The following SYN3 variants were observed in gnomAD, a reference collection of about 807,000 sequenced individuals.
SYN3 encodes synapsin-3.
SYN3 carries 35 observed loss-of-function variants against 65.8 expected under a neutral mutation model. That is an observed-to-expected ratio of 0.53 (90% CI 0.41 to 0.70). SYN3 has a LOEUF of 0.70. Ranked by LOEUF, SYN3 falls within the 30% of genes least tolerant of loss-of-function variation. The pLI is 0.00. For synonymous variants in SYN3, 270 were observed against 292.9 expected (o/e 0.92, Z 0.80); for missense variants, 680 against 749.0 (o/e 0.91, Z 1.08).
At chr22:32,541,983 G>T (rs765919166) in intron 7 of SYN3, among the ~76,000 whole-genome samples, 2 of 152,220 alleles carry the variant, frequency 1.3e-5, no homozygotes, top group Middle Eastern at 3.4e-3. Context: ...TGTTTCAGAT[G>T]GATGAGGTAG....
intron 5 of SYN3, among the ~76,000 whole-genome samples, chr22:32,868,554 C>T (rs2048752746): frequency 1.3e-5 from 2 of 152,010 alleles, no homozygotes; most frequent in South Asian, 2.1e-4. Context: ...GATTCTCCTG[C>T]CTCAGCCTCC....
chr22:32,520,165 G>A (rs1167988922), intron 12 of SYN3, among the ~76,000 whole-genome samples: 1 of 152,164 alleles, frequency 6.6e-6, no homozygotes, highest in Non-Finnish European at 1.5e-5. Flanking sequence ...TTTAATTAAA[G>A]AGATGGGGTC....
Position 32,859,200 on chromosome 22 carries a change from G to A in SYN3, c.711+5715C>T, listed in dbSNP as rs757458960. On this transcript the variant is annotated intron_variant, in intron 6 of 13. Coordinates refer to ENST00000358763, the MANE Select transcript of SYN3 (RefSeq NM_003490.4). ...TGCAGATCAAGTCCTGCTACTACCT[G>A]CCTTGCTTTGTGACTTCCAAGAACG... 5.0e-6 allele frequency: 8 copies of A among 1,614,170 alleles called. No homozygotes were observed. The African/African-American group carries it at 1.1e-4, about 22-fold the overall frequency.
intron 12 of SYN3, among the ~76,000 whole-genome samples, chr22:32,519,225 C>T (rs1028024019): frequency 2.0e-5 from 3 of 152,210 alleles, no homozygotes; most frequent in Admixed American, 1.3e-4. Flanking sequence ...GCATTTCTAA[C>T]GGGTTCCCAG....
At chr22:32,951,813 C>G (rs998701939) in intron 3 of SYN3, among the ~76,000 whole-genome samples, 1 of 152,218 alleles carries the variant, frequency 6.6e-6, no homozygotes, top group Non-Finnish European at 1.5e-5. Flanking sequence ...CAGTTTGTGG[C>G]CTACAGTCGC....
chr22:32,929,945 C>T, intron 4 of SYN3, among the ~76,000 whole-genome samples: 1 of 152,122 alleles, frequency 6.6e-6, no homozygotes, highest in Non-Finnish European at 1.5e-5. Context: ...TACTGTCACA[C>T]CAACTCTTAG....
At position 32,741,504 on chromosome 22, in the gene SYN3, T is replaced by C. The variant is rs562553132; in HGVS notation, c.711+123411A>G. Among the ~76,000 whole-genome samples the C allele has an allele frequency of 1.7e-3, 255 of 151,928 alleles. 2 individuals carry two copies. The highest frequency in any genetic ancestry group is 5.9e-3 in the African/African-American group (244 of 41,424). The stretch of plus-strand genomic sequence containing the variant: ...CTGAGTAGCTGGGACTACAGGCGCC[T>C]GCCACCACGTCCGGCTAATTTTTTG... On this transcript the variant is annotated intron_variant, in intron 6 of 13. Coordinates refer to ENST00000358763, the MANE Select transcript of SYN3 (RefSeq NM_003490.4).
chr22:32,970,536 G>A lies in SYN3; in HGVS notation c.369+10109C>T, dbSNP rs554919120. ...TGCACTCCAGCCTGGGCAACAGAGC[G>A]AGACTCCATCTCAAAAAAAAAAAGA... is the stretch of plus-strand genomic sequence containing the variant. On this transcript the variant is annotated intron_variant, in intron 3 of 13. Coordinates refer to ENST00000358763, the MANE Select transcript of SYN3 (RefSeq NM_003490.4). Among the ~76,000 whole-genome samples the A allele has an allele frequency of 6.1e-5, 9 of 147,090 alleles. No homozygotes were observed. In the East Asian group the frequency reaches 1.8e-3, roughly 29 times the overall value.
chr22:32,604,370 C>G (rs1162352843), intron 6 of SYN3, among the ~76,000 whole-genome samples: 4 of 152,176 alleles, frequency 2.6e-5, no homozygotes, highest in Non-Finnish European at 4.4e-5. Context: ...CCTCCTCAGC[C>G]CAACCCCTAA....
intron 1 of SYN3, chr22:33,015,362 A>G (rs1436670965): frequency 3.7e-6 from 2 of 541,628 alleles, no homozygotes; most frequent in South Asian, 1.8e-5. Context: ...AACTTACTGT[A>G]CAGGGCGAAT....
intron 1 of SYN3, among the ~76,000 whole-genome samples, chr22:33,025,730 CA>C (rs1281835301): frequency 3.3e-5 from 5 of 151,936 alleles, no homozygotes; most frequent in Non-Finnish European, 7.4e-5. Context: ...GGGCAATTTA[CA>C]GTTTGAATTA....
intron 6 of SYN3, among the ~76,000 whole-genome samples, chr22:32,608,725 G>T (rs1487764953): frequency 6.6e-6 from 1 of 152,192 alleles, no homozygotes; most frequent in East Asian, 1.9e-4. Context: ...TCCTTGGCAA[G>T]TTTCTTAGCC....
Position 32,780,025 on chromosome 22 carries a change from C to T in SYN3, c.711+84890G>A, listed in dbSNP as rs148506972. Among the ~76,000 whole-genome samples the T allele has an allele frequency of 3.7e-3, 461 of 124,808 alleles. 4 individuals carry two copies. The highest frequency in any genetic ancestry group is 9.2e-3 in the Admixed American group (85 of 9,246). 81.9% of individuals were successfully genotyped at this position (124,808 alleles called of 152,430 possible). ...TAAAGATTGCAGTGAGCTGAGATTG[C>T]GCCACTGCACTCCAGCCTGGGTGAC... On this transcript the variant is annotated intron_variant, in intron 6 of 13. Coordinates refer to ENST00000358763, the MANE Select transcript of SYN3 (RefSeq NM_003490.4).
At chr22:32,903,637 C>T (rs1009258392) in intron 4 of SYN3, among the ~76,000 whole-genome samples, 7 of 152,210 alleles carry the variant, frequency 4.6e-5, no homozygotes, top group African/African-American at 7.2e-5. Context: ...TGGTTACCAT[C>T]GGCCTCCAGG....
At chr22:32,985,905 T>C (rs1334278966) in intron 2 of SYN3, among the ~76,000 whole-genome samples, 3 of 152,096 alleles carry the variant, frequency 2.0e-5, no homozygotes, top group African/African-American at 7.2e-5. Flanking sequence ...TGAGTTTTCC[T>C]TGACAGCACC....
intron 13 of SYN3, among the ~76,000 whole-genome samples, chr22:32,515,000 T>G (rs1450206878): frequency 1.3e-5 from 2 of 150,642 alleles, no homozygotes; most frequent in Admixed American, 1.3e-4. Flanking sequence ...TGGGCGACAG[T>G]GAGACTCCAT....
At position 32,544,071 on chromosome 22, in the gene SYN3, C is replaced by T. The variant is rs1308137615; in HGVS notation, c.775-2358G>A. On this transcript the variant is annotated intron_variant, in intron 7 of 13. Transcript: ENST00000358763. ...CTCCTGCCTCAGCCGGCCGAGTAGC[C>T]GGGACTACAGGCGTGCACCACCATG... is the stretch of plus-strand genomic sequence containing the variant. Among the ~76,000 whole-genome samples the T allele has an allele frequency of 3.3e-5, 5 of 152,238 alleles. No homozygotes were observed. The East Asian group carries it at 7.7e-4, about 24-fold the overall frequency.
At chr22:32,933,602 T>C (rs2050695744) in intron 3 of SYN3, among the ~76,000 whole-genome samples, 1 of 151,876 alleles carries the variant, frequency 6.6e-6, no homozygotes, top group Non-Finnish European at 1.5e-5. Context: ...CTAATTTTTG[T>C]TTGTTTGTTT....
At chr22:33,022,070 C>T (rs910151981) in intron 1 of SYN3, among the ~76,000 whole-genome samples, 15 of 152,104 alleles carry the variant, frequency 9.9e-5, no homozygotes, top group African/African-American at 3.1e-4. Flanking sequence ...CTAAGTTGAA[C>T]GAAAATTGGA....
Sources: allele counts gnomAD v4.1 joint callset (sites outside exome capture counted in the v4.1 genomes callset), GRCh38; gene constraint gnomAD v4.1.1; transcripts MANE v1.5; gene names NCBI Gene and HGNC (gene_info 2026-07-23, HGNC 2026-07-21).